The following POLR3H variants were observed in gnomAD, a reference collection of about 807,000 sequenced individuals.
The protein encoded by POLR3H is RNA polymerase III subunit H, also known as DNA-directed RNA polymerase III subunit RPC8.
POLR3H carries 17 observed loss-of-function variants against 25.5 expected under a neutral mutation model. The observed-to-expected ratio is 0.67, with a 90% CI of 0.46 to 1.00. POLR3H has a LOEUF of 1.00. POLR3H is among the 50% of genes least tolerant of loss of function. POLR3H has a pLI of 0.00. For missense variants in POLR3H, 274 were observed against 265.0 expected (o/e 1.03, Z -0.24); for synonymous variants, 129 against 103.0 (o/e 1.25, Z -1.53).
At chr22:41,540,337 C>A in intron 2 of POLR3H, 1 of 364,578 alleles carries the variant, frequency 2.7e-6, no homozygotes, top group South Asian at 2.2e-5. Context: ...CCAACTAGTC[C>A]ACATCCCAGG....
intron 2 of POLR3H, among the ~76,000 whole-genome samples, chr22:41,536,509 A>G (rs1181530149): frequency 6.6e-6 from 1 of 151,918 alleles, no homozygotes; most frequent in South Asian, 2.1e-4. Flanking sequence ...ATTTCATGTT[A>G]TGTATATTTT....
At chr22:41,533,194 C>A (rs138970207) in intron 2 of POLR3H, among the ~76,000 whole-genome samples, 166 of 152,336 alleles carry the variant, frequency 1.1e-3, no homozygotes, top group African/African-American at 3.8e-3. Context: ...GCCAGCAGCC[C>A]AGCAAAAATG....
intron 5 of POLR3H, chr22:41,529,805 G>T: frequency 2.4e-6 from 1 of 423,438 alleles, no homozygotes; most frequent in South Asian, 1.7e-5. Context: ...ACCCGGGCTG[G>T]AGTGGAGTGG....
chr22:41,532,854 C>T (rs955935598), intron 2 of POLR3H, 109 bp from the exon 3 acceptor site: 368 of 1,179,286 alleles, frequency 3.1e-4, no homozygotes, highest in Non-Finnish European at 4.1e-4. Context: ...CTCCATGCCA[C>T]ATCCCCCTGC....
intron 5 of POLR3H, among the ~76,000 whole-genome samples, chr22:41,530,131 T>C (rs2066698030): frequency 6.6e-6 from 1 of 151,748 alleles, no homozygotes; most frequent in Non-Finnish European, 1.5e-5. Context: ...AACCCCTCCC[T>C]ACCCCCCAAT....
chr22:41,531,928 G>A (rs1220563414), intron 4 of POLR3H, among the ~76,000 whole-genome samples, 166 bp downstream of exon 4: 1 of 152,202 alleles, frequency 6.6e-6, no homozygotes, highest in Non-Finnish European at 1.5e-5. Flanking sequence ...CTGCATGGGA[G>A]GCACAGACAG....
At position 41,526,935 on chromosome 22, in the gene POLR3H, G is replaced by T. The variant is rs5758381; in HGVS notation, c.*2348C>A. 1 of 375,928 alleles carries T rather than the reference G, an allele frequency of 2.7e-6. No individual in the cohort carries two copies. Among genetic ancestry groups the T allele is most frequent in the South Asian group, 3.3e-5 (1 of 30,244 alleles). The allele number at this position is 375,928 out of a possible 1,614,324, so 23.3% of individuals were successfully genotyped here. A position where few individuals can be genotyped will look rare whatever the true frequency, so the allele number is the denominator to read the frequency against. ...GTGGGGCAGAGGGTGCTCCCAGGAA[G>T]GGGGCGCCTTGAGCTTCACAGATGC... On this transcript the variant is annotated 3_prime_UTR_variant, in exon 6 of 6. Coordinates refer to ENST00000355209, the MANE Select transcript of POLR3H (RefSeq NM_001018050.4).
At chr22:41,532,774 G>C in intron 2 of POLR3H, 29 bp from the exon 3 acceptor site, 1 of 1,607,668 alleles carries the variant, frequency 6.2e-7, no homozygotes, top group Non-Finnish European at 8.5e-7. Flanking sequence ...CATCAGTGAT[G>C]CTGACCGGGG....
intron 2 of POLR3H, among the ~76,000 whole-genome samples, chr22:41,537,030 G>C (rs577159454): frequency 7.4e-4 from 113 of 152,242 alleles, no homozygotes; most frequent in African/African-American, 2.7e-3. Context: ...TCTAGACTGA[G>C]AGCAGGGCCC....
chr22:41,526,062 G>A lies in POLR3H; in HGVS notation c.*3221C>T. The A allele has an allele frequency of 1.9e-6, 1 of 539,832 alleles. No homozygotes were observed. Among genetic ancestry groups the A allele is most frequent in the Non-Finnish European group, 3.3e-6 (1 of 304,578 alleles). The allele number at this position is 539,832 out of a possible 1,614,324, so 33.4% of individuals were successfully genotyped here. On this transcript the variant is annotated 3_prime_UTR_variant, in exon 6 of 6. Transcript: ENST00000355209. ...CTGAGCAGCCAGAGGCCTTTGAGGG[G>A]ATGAAGGCCTGGCCTGAGCCCATGT... is the stretch of plus-strand genomic sequence containing the variant.
rs1023835106 is a variant in POLR3H at position 41,526,230 on chromosome 22, C to G, written c.*3053G>C. The G allele has an allele frequency of 4.4e-6, 7 of 1,596,754 alleles. No individual in the cohort carries two copies. The highest frequency in any genetic ancestry group is 6.0e-6 in the Non-Finnish European group (7 of 1,169,052). On this transcript the variant is annotated 3_prime_UTR_variant, in exon 6 of 6. Coordinates refer to ENST00000355209, the MANE Select transcript of POLR3H (RefSeq NM_001018050.4). ...TCATCCACCCCTCCAGGGCCATGCC[C>G]TGACCTCTGTCCTCTCTACTTACCA...
intron 2 of POLR3H, among the ~76,000 whole-genome samples, chr22:41,535,426 G>A (rs2066825263): frequency 6.6e-6 from 1 of 152,366 alleles, no homozygotes; most frequent in East Asian, 1.9e-4. Flanking sequence ...GGAGAGTGCT[G>A]GATCTGCAGT....
In POLR3H at chr22:41,535,866, G is replaced by A. The variant is rs545061371; in HGVS notation, c.209-3121C>T. Among the ~76,000 whole-genome samples, 594 of 152,222 alleles carry A rather than the reference G, an allele frequency of 3.9e-3. 3 individuals carry two copies. Among genetic ancestry groups the A allele is most frequent in the Non-Finnish European group, 6.8e-3 (461 of 67,994 alleles). On this transcript the variant is annotated intron_variant, in intron 2 of 5. Transcript: ENST00000355209. ...TGCATGCCTGTAATCCCAGCTACTC[G>A]GGAGGCTGAGGCAGAATTGCTTGAA...
At chr22:41,537,926 A>C (rs1187840892) in intron 2 of POLR3H, among the ~76,000 whole-genome samples, 1 of 143,576 alleles carries the variant, frequency 7.0e-6, no homozygotes, top group Non-Finnish European at 1.5e-5. Context: ...CCTCCCAGGG[A>C]GCTGAGATTA....
intron 2 of POLR3H, among the ~76,000 whole-genome samples, chr22:41,538,134 T>A (rs2145564811): frequency 7.2e-6 from 1 of 138,574 alleles, no homozygotes; most frequent in South Asian, 2.3e-4. Flanking sequence ...CCCAAATAAT[T>A]TTTTTTTTTT....
intron 2 of POLR3H, among the ~76,000 whole-genome samples, chr22:41,538,448 T>C (rs1438005589): frequency 6.6e-6 from 1 of 152,022 alleles, no homozygotes; most frequent in Non-Finnish European, 1.5e-5. Context: ...TTAGTAGAGA[T>C]GAGGTTTTGC....
At chr22:41,538,736 G>A (rs1443013829) in intron 2 of POLR3H, among the ~76,000 whole-genome samples, 1 of 152,186 alleles carries the variant, frequency 6.6e-6, no homozygotes, top group African/African-American at 2.4e-5. Context: ...CTCTGCTAAT[G>A]AAAATGCTCC....
rs1384483811 is a variant in POLR3H at position 41,527,704 on chromosome 22, G to A, written c.*1579C>T. 1.8e-5 allele frequency: 16 copies of A among 882,870 alleles called. No homozygotes were observed. The highest frequency in any genetic ancestry group is 5.1e-5 in the African/African-American group (3 of 59,142). The allele number at this position is 882,870 out of a possible 1,614,324, so 54.7% of individuals were successfully genotyped here. A position where few individuals can be genotyped will look rare whatever the true frequency, so the allele number is the denominator to read the frequency against. On this transcript the variant is annotated 3_prime_UTR_variant, in exon 6 of 6. Transcript: ENST00000355209. ...CATGAATGTGCAGCAGGAAGGCCTC[G>A]CAGACCTCAGCACCAGCGCACACTT...
chr22:41,529,135 C>G lies in POLR3H; in HGVS notation c.*148G>C. The G allele has an allele frequency of 1.5e-6, 1 of 649,624 alleles. No individual in the cohort carries two copies. The allele number at this position is 649,624 out of a possible 1,614,324, so 40.2% of individuals were successfully genotyped here. A position where few individuals can be genotyped will look rare whatever the true frequency, so the allele number is the denominator to read the frequency against. On this transcript the variant is annotated 3_prime_UTR_variant, in exon 6 of 6. Transcript: ENST00000355209. ...GAGCAGGGCCTAGATGGTGGAGGAG[C>G]GGGGCAAGCTGGTGGGCACTCCTGG...
Sources: allele counts gnomAD v4.1 joint callset (sites outside exome capture counted in the v4.1 genomes callset), GRCh38; gene constraint gnomAD v4.1.1; transcripts MANE v1.5; gene names NCBI Gene and HGNC (gene_info 2026-07-23, HGNC 2026-07-21).